Variants in RBMS3 observed in about 807,000 individuals in gnomAD.
RBMS3 encodes RNA binding motif single stranded interacting protein 3.
RBMS3 carries 27 observed loss-of-function variants against 66.8 expected under a neutral mutation model. That is an observed-to-expected ratio of 0.40 (90% confidence interval 0.30 to 0.56). RBMS3 has a LOEUF of 0.56. RBMS3 is among the 20% of genes least tolerant of loss of function. The pLI is 0.40. For missense variants in RBMS3, 513 were observed against 549.5 expected (o/e 0.93, Z 0.66); for synonymous variants, 188 against 183.0 (o/e 1.03, Z -0.22).
chr3:29,323,726 A>ACACCCC (rs71091051), intron 1 of RBMS3, among the ~76,000 whole-genome samples: 26 of 140,702 alleles, frequency 1.8e-4, no homozygotes, highest in Middle Eastern at 3.6e-3. Flanking sequence ...ACACACACAC[A>ACACCCC]CCCCTTGGAC....
At chr3:29,410,471 G>A (rs777524165) in intron 1 of RBMS3, among the ~76,000 whole-genome samples, 18 of 152,124 alleles carry the variant, frequency 1.2e-4, no homozygotes, top group African/African-American at 7.2e-5. Context: ...TGTTCGTTCC[G>A]TGACACTTTC....
chr3:29,383,937 A>G (rs958374808), intron 1 of RBMS3, among the ~76,000 whole-genome samples: 1 of 152,230 alleles, frequency 6.6e-6, no homozygotes, highest in South Asian at 2.1e-4. Context: ...AGCAACCAGT[A>G]TATGTTAACT....
intron 3 of RBMS3, among the ~76,000 whole-genome samples, chr3:29,561,455 TG>T (rs2046552036): frequency 6.6e-6 from 1 of 151,928 alleles, no homozygotes; most frequent in Non-Finnish European, 1.5e-5. Context: ...TTGTTGTTGT[TG>T]TTGTTGTTGT....
chr3:30,007,124 C>A lies in RBMS3; in HGVS notation c.*3262C>A, dbSNP rs761316538. 4.6e-5 allele frequency: 7 copies of A among 151,944 alleles called. No homozygotes were observed. In the East Asian group the frequency reaches 1.2e-3, roughly 25 times the overall value. 9.4% of individuals were successfully genotyped at this position (151,944 alleles called of 1,614,324 possible). A position where few individuals can be genotyped will look rare whatever the true frequency, so the allele number is the denominator to read the frequency against. On this transcript the variant is annotated 3_prime_UTR_variant, in exon 15 of 15. Coordinates refer to ENST00000383767, the MANE Select transcript of RBMS3 (RefSeq NM_001003793.3). ...CTTACCTAAGACTTGTTTTGAAGAG[C>A]CAAGTCTGGGAGAGAAAAAAAAGCA...
chr3:29,705,679 A>G (rs1164194246), intron 4 of RBMS3, among the ~76,000 whole-genome samples: 2 of 152,138 alleles, frequency 1.3e-5, no homozygotes, highest in East Asian at 1.9e-4. Context: ...TCTTGTAATT[A>G]TACCCTCCTA....
intron 6 of RBMS3, among the ~76,000 whole-genome samples, chr3:29,769,947 T>C (rs2056124563): frequency 6.6e-6 from 1 of 151,734 alleles, no homozygotes; most frequent in African/African-American, 2.4e-5. Flanking sequence ...GAGAGAAAAA[T>C]GTTTGTAAGA....
chr3:29,978,817 G>A (rs1271059919), intron 12 of RBMS3, among the ~76,000 whole-genome samples: 1 of 152,094 alleles, frequency 6.6e-6, no homozygotes, highest in African/African-American at 2.4e-5. Context: ...GAAGTAGACT[G>A]AAAAGTGTGC....
chr3:29,518,544 C>T lies in RBMS3; in HGVS notation c.307+30045C>T, dbSNP rs553860967. ...TCATTATTAAAGGTGCATCCTTTAA[C>T]AGAAAAGAATATGAAAACATTTATG... On this transcript the variant is annotated intron_variant, in intron 3 of 14. Transcript: ENST00000383767. Among the ~76,000 whole-genome samples the T allele has an allele frequency of 4.6e-5, 7 of 152,260 alleles. No homozygotes were observed. The East Asian group carries it at 9.6e-4, about 21-fold the overall frequency.
chr3:29,317,357 A>G (rs1003863233), intron 1 of RBMS3, among the ~76,000 whole-genome samples: 7 of 151,800 alleles, frequency 4.6e-5, no homozygotes, highest in Non-Finnish European at 7.4e-5. Flanking sequence ...TTACAGTAGC[A>G]TATTGAGTTT....
At chr3:29,747,719 A>G (rs1212700819) in intron 5 of RBMS3, among the ~76,000 whole-genome samples, 1 of 152,184 alleles carries the variant, frequency 6.6e-6, no homozygotes, top group Non-Finnish European at 1.5e-5. Flanking sequence ...CTCAGCAAAG[A>G]AAGGGGTAGT....
At chr3:29,500,309 C>A (rs1163383071) in intron 3 of RBMS3, among the ~76,000 whole-genome samples, 2 of 150,944 alleles carry the variant, frequency 1.3e-5, no homozygotes, top group Non-Finnish European at 3.0e-5. Context: ...GACAAGAGGA[C>A]AACTTAACAA....
At chr3:29,313,357 C>T (rs1376207546) in intron 1 of RBMS3, among the ~76,000 whole-genome samples, 1 of 151,678 alleles carries the variant, frequency 6.6e-6, no homozygotes, top group East Asian at 2.0e-4. Context: ...CTCACTGCCT[C>T]GAGTAGAGAA....
At chr3:29,332,331 GT>G (rs2035712950) in intron 1 of RBMS3, among the ~76,000 whole-genome samples, 1 of 151,738 alleles carries the variant, frequency 6.6e-6, no homozygotes, top group Non-Finnish European at 1.5e-5. Context: ...GCCTCCTTTT[GT>G]TTTTTTTCCT....
At chr3:29,980,196 C>T (rs1697890776) in intron 12 of RBMS3, among the ~76,000 whole-genome samples, 2 of 151,950 alleles carry the variant, frequency 1.3e-5, no homozygotes, top group East Asian at 3.9e-4. Flanking sequence ...TGATGATGAG[C>T]TTTTTTTTCA....
intron 12 of RBMS3, among the ~76,000 whole-genome samples, chr3:29,969,744 A>G (rs1043101407): frequency 2.6e-5 from 4 of 152,218 alleles, no homozygotes; most frequent in Admixed American, 1.3e-4. Flanking sequence ...ACTACATGGT[A>G]GTGAAATGGG....
chr3:29,846,687 A>G (rs977205175), intron 6 of RBMS3, among the ~76,000 whole-genome samples: 2 of 152,134 alleles, frequency 1.3e-5, no homozygotes, highest in Admixed American at 1.3e-4. Flanking sequence ...GCTCATAAAT[A>G]CTCTCTAAAA....
chr3:29,538,419 G>A (rs1315461729), intron 3 of RBMS3, among the ~76,000 whole-genome samples: 2 of 152,154 alleles, frequency 1.3e-5, no homozygotes, highest in Non-Finnish European at 1.5e-5. Flanking sequence ...TATTGAGTGC[G>A]AAGTTTCCTG....
intron 10 of RBMS3, among the ~76,000 whole-genome samples, chr3:29,900,342 A>G (rs574703716): frequency 6.6e-6 from 1 of 151,886 alleles, no homozygotes; most frequent in African/African-American, 2.4e-5. Flanking sequence ...TAACTATAGC[A>G]GTTTTCTTTT....
At chr3:29,540,439 A>G (rs2045715372) in intron 3 of RBMS3, among the ~76,000 whole-genome samples, 1 of 152,312 alleles carries the variant, frequency 6.6e-6, no homozygotes, top group African/African-American at 2.4e-5. Flanking sequence ...TTTGTTAATT[A>G]AGAAGCAGTG....
Sources: allele counts gnomAD v4.1 joint callset (sites outside exome capture counted in the v4.1 genomes callset), GRCh38; gene constraint gnomAD v4.1.1; transcripts MANE v1.5; gene names NCBI Gene and HGNC (gene_info 2026-07-23, HGNC 2026-07-21).